The following TRIM67 variants were observed in gnomAD, a reference collection of about 807,000 sequenced individuals.
TRIM67 encodes the protein tripartite motif-containing protein 67.
In TRIM67, 39 loss-of-function variants were observed where a neutral mutation model predicts 71.0. The observed-to-expected ratio is 0.55, with a 90% CI of 0.43 to 0.72. The LOEUF (loss-of-function observed/expected upper bound fraction) is 0.72, where lower values mean the gene tolerates loss of function less well. TRIM67 is among the 30% of genes least tolerant of loss of function. TRIM67 has a pLI of 0.00. For missense variants in TRIM67, 973 were observed against 1,079.2 expected (o/e 0.90, Z 1.38); for synonymous variants, 481 against 473.9 (o/e 1.01, Z -0.19).
At chr1:231,215,226 ATAT>A (rs2102767303) in intron 9 of TRIM67, 146 bp from the exon 10 acceptor site, 1 of 1,146,768 alleles carries the variant, frequency 8.7e-7, no homozygotes, top group East Asian at 3.0e-5. Flanking sequence ...GGGGGACGTA[ATAT>A]TCAACAGTCC....
intron 7 of TRIM67, 92 bp downstream of exon 7, chr1:231,206,882 G>A (rs1471300131): frequency 1.0e-5 from 14 of 1,375,130 alleles, no homozygotes; most frequent in Non-Finnish European, 1.4e-5. Flanking sequence ...TGATGATGGG[G>A]TAGGGGTGGG....
At chr1:231,195,590 GCT>G (rs1032170242) in intron 1 of TRIM67, among the ~76,000 whole-genome samples, 7 of 152,236 alleles carry the variant, frequency 4.6e-5, no homozygotes, top group African/African-American at 1.7e-4. Context: ...TAAGGCTCCT[GCT>G]CTCTCTGAGC....
rs1571910626 is a variant in TRIM67, at chr1:231,219,503, G to A, written c.*4063G>A. On this transcript the variant is annotated 3_prime_UTR_variant, in exon 10 of 10. Transcript: ENST00000366653. ...GCCCAGGATTTTCCATGTGTCTTCA[G>A]GGGGCAGGTAGGGGAAAATGGGGTG... 1.9e-6 allele frequency: 2 copies of A among 1,067,172 alleles called. No individual in the cohort carries two copies. Among genetic ancestry groups the A allele is most frequent in the East Asian group, 8.5e-5 (1 of 11,790 alleles). 66.1% of individuals were successfully genotyped at this position (1,067,172 alleles called of 1,614,324 possible).
rs1432737603 is a variant in TRIM67 at position 231,163,551 on chromosome 1, G to A, written c.582G>A (p.Gly194=). ...AIVQRYQQGR[G]AVPGTSAAAA... Reference sequence around the variant, plus strand: ...TGCAGCGGTACCAGCAGGGCCGCGGGGCCGTGCCGGGGACGTCTGCAGCCG... The same window carrying A: ...TGCAGCGGTACCAGCAGGGCCGCGGAGCCGTGCCGGGGACGTCTGCAGCCG... The change falls in exon 1 of 10, where the codon GGG becomes GGA. Residue 194 remains glycine, a synonymous_variant. Transcript: ENST00000366653. 9.9e-6 allele frequency: 15 copies of A among 1,513,036 alleles called. No homozygotes were observed. The highest frequency in any genetic ancestry group is 1.4e-5 in the African/African-American group (1 of 69,602). The allele number at this position is 1,513,036 out of a possible 1,614,324, so 93.7% of individuals were successfully genotyped here. A position where few individuals can be genotyped will look rare whatever the true frequency, so the allele number is the denominator to read the frequency against.
chr1:231,174,423 C>A lies in TRIM67; in HGVS notation c.1044+10410C>A, dbSNP rs532162329. On this transcript the variant is annotated intron_variant, in intron 1 of 9. Coordinates refer to ENST00000366653, the MANE Select transcript of TRIM67 (RefSeq NM_001004342.5). ...CCTCAAATGTCTCCTACCTTAGCCA[C>A]CCAAAGTGTTGGGATTATAGGCATA... Among the ~76,000 whole-genome samples, 44 of 152,162 alleles carry A rather than the reference C, an allele frequency of 2.9e-4. No homozygotes were observed. The South Asian group carries it at 8.9e-3, about 31-fold the overall frequency.
chr1:231,186,010 T>C (rs948873802), intron 1 of TRIM67: 11 of 1,336,618 alleles, frequency 8.2e-6, no homozygotes, highest in African/African-American at 4.4e-5. Context: ...TTCTGGAAGA[T>C]AGGTGCTTGG....
intron 1 of TRIM67, among the ~76,000 whole-genome samples, chr1:231,194,317 T>G (rs1227443459): frequency 6.6e-6 from 1 of 152,238 alleles, no homozygotes; most frequent in African/African-American, 2.4e-5. Flanking sequence ...TGCTGACCCC[T>G]CAGCCTCCTT....
chr1:231,187,696 A>T, intron 1 of TRIM67: 1 of 867,166 alleles, frequency 1.2e-6, no homozygotes, highest in Non-Finnish European at 1.7e-6. Context: ...GGAGTGGGAG[A>T]GGCGGGGTGG....
chr1:231,163,291 A>T lies in TRIM67; in HGVS notation c.322A>T (p.Thr108Ser), dbSNP rs1682346054. The change falls in exon 1 of 10, where the codon ACA becomes TCA. Residue 108 changes from threonine (T) to serine (S), a missense_variant. Around this residue, in one of 2 missense-constraint regions of TRIM67, gnomAD observed 795 missense variants for 831.3 expected, o/e 0.96. Coordinates refer to ENST00000366653, the MANE Select transcript of TRIM67 (RefSeq NM_001004342.5). ...HADKLSLYSE[T>S]DSGYGSYTPS... ...GGACAAGCTCAGCTTGTACAGCGAG[A>T]CAGACAGCGGCTACGGGTCCTACAC... 2.0e-6 allele frequency: 3 copies of T among 1,518,804 alleles called. 1 individual carries two copies. The East Asian group carries it at 8.0e-5, about 41-fold the overall frequency. 94.1% of individuals were successfully genotyped at this position (1,518,804 alleles called of 1,614,324 possible).
Position 231,217,047 on chromosome 1 carries a change from G to T in TRIM67, c.*1607G>T. 2.0e-6 allele frequency: 2 copies of T among 985,912 alleles called. No homozygotes were observed. Among genetic ancestry groups the T allele is most frequent in the African/African-American group, 1.7e-5 (1 of 57,364 alleles). The allele number at this position is 985,912 out of a possible 1,614,324, so 61.1% of individuals were successfully genotyped here. A position where few individuals can be genotyped will look rare whatever the true frequency, so the allele number is the denominator to read the frequency against. ...GCACCAACTGTGCGTCCTTGGTTCT[G>T]CCTTCCTGTTCAGACACCGCGCCTG... On this transcript the variant is annotated 3_prime_UTR_variant, in exon 10 of 10. Transcript: ENST00000366653.
intron 1 of TRIM67, among the ~76,000 whole-genome samples, chr1:231,166,592 G>A (rs1206370170): frequency 6.6e-6 from 1 of 152,136 alleles, no homozygotes; most frequent in Admixed American, 6.5e-5. Context: ...AGGCCTCATT[G>A]CATCACCAGA....
At position 231,163,539 on chromosome 1, in the gene TRIM67, G is replaced by C. The variant is rs1682356929; in HGVS notation, c.570G>C (p.Gln190His). The change falls in exon 1 of 10, where the codon CAG becomes CAC. Residue 190 changes from glutamine (Q) to histidine (H), a missense_variant. Physicochemically the swap from Gln to His is conservative, Grantham distance 24 (BLOSUM62 0). Transcript: ENST00000366653. Reference protein sequence around the residue: ...RLLEAIVQRYQQGRGAVPGTS... With the variant: ...RLLEAIVQRYHQGRGAVPGTS... ...TCGAGGCCATCGTGCAGCGGTACCA[G>C]CAGGGCCGCGGGGCCGTGCCGGGGA... The C allele has an allele frequency of 1.3e-6, 2 of 1,514,318 alleles. No homozygotes were observed. The highest frequency in any genetic ancestry group is 5.2e-5 in the East Asian group (2 of 38,270). 93.8% of individuals were successfully genotyped at this position (1,514,318 alleles called of 1,614,324 possible). A position where few individuals can be genotyped will look rare whatever the true frequency, so the allele number is the denominator to read the frequency against.
chr1:231,164,259 C>T (rs1228996260), intron 1 of TRIM67, among the ~76,000 whole-genome samples: 1 of 152,182 alleles, frequency 6.6e-6, no homozygotes, highest in African/African-American at 2.4e-5. Flanking sequence ...CCCCACCCAC[C>T]CGAGGTTTTA....
chr1:231,185,306 T>A, intron 1 of TRIM67: 1 of 1,226,950 alleles, frequency 8.2e-7, no homozygotes. Flanking sequence ...TGGAGGGATC[T>A]GAGAAAAGAA....
chr1:231,199,307 A>T, intron 3 of TRIM67, 138 bp downstream of exon 3: 1 of 862,884 alleles, frequency 1.2e-6, no homozygotes, highest in Non-Finnish European at 1.9e-6. Flanking sequence ...TGAGGCAAGG[A>T]AGGGATGCAC....
Position 231,163,342 on chromosome 1 carries a change from G to A in TRIM67, c.373G>A (p.Val125Ile). The change falls in exon 1 of 10, where the codon GTT becomes ATT. Residue 125 changes from valine (V) to isoleucine (I), a missense_variant. Val to Ile is a conservative substitution (Grantham distance 29). This residue lies in a region of TRIM67 where 795 missense variants were observed against 831.3 expected (regional missense o/e 0.96). Transcript: ENST00000366653. The part of the protein sequence containing the change: ...YTPSLKSPNG[V>I]RVLPMVPAPP... ...CCCGAGCCTCAAGTCCCCCAACGGGGTTCGCGTGCTGCCCATGGTGCCCGC... is the reference window on the plus strand; with the variant it reads ...CCCGAGCCTCAAGTCCCCCAACGGGATTCGCGTGCTGCCCATGGTGCCCGC... 6.5e-7 allele frequency: 1 copy of A among 1,529,808 alleles called. No homozygotes were observed. Among genetic ancestry groups the A allele is most frequent in the East Asian group, 2.6e-5 (1 of 38,902 alleles). 94.8% of individuals were successfully genotyped at this position (1,529,808 alleles called of 1,614,324 possible).
chr1:231,174,154 T>A, intron 1 of TRIM67, among the ~76,000 whole-genome samples: 1 of 27,918 alleles, frequency 3.6e-5, no homozygotes, highest in African/African-American at 1.1e-4. Context: ...CTTATTTTCT[T>A]TTTTTTTTTT....
chr1:231,189,661 T>C (rs1470572769), intron 1 of TRIM67, among the ~76,000 whole-genome samples: 1 of 152,126 alleles, frequency 6.6e-6, no homozygotes, highest in Non-Finnish European at 1.5e-5. Flanking sequence ...GTTTTCTTGA[T>C]TCATAGATGG....
At chr1:231,176,970 G>A (rs1383250780) in intron 1 of TRIM67, among the ~76,000 whole-genome samples, 1 of 146,216 alleles carries the variant, frequency 6.8e-6, no homozygotes, top group African/African-American at 2.6e-5. Flanking sequence ...AGGGGCTAGA[G>A]ATGGGGAGAA....
Sources: gnomAD v4.1 joint callset for allele counts (sites outside exome capture counted in the v4.1 genomes callset) on GRCh38, gnomAD v4.1.1 for gene constraint, gnomAD v4.1.1 regional missense constraint, MANE v1.5 for transcripts, NCBI Gene and HGNC (gene_info 2026-07-23, HGNC 2026-07-21) for gene names.